FAM98B: variants seen among roughly 807,000 people sequenced by gnomAD.
FAM98B encodes the protein tRNA splicing ligase complex subunit 3B.
FAM98B carries 32 observed loss-of-function variants against 43.9 expected under a neutral mutation model. That is an observed-to-expected ratio of 0.73 (90% CI 0.55 to 0.98). FAM98B has a LOEUF of 0.98. FAM98B is among the 50% of genes least tolerant of loss of function. The pLI is 0.00. For missense variants in FAM98B, 514 were observed against 522.9 expected (o/e 0.98, Z 0.17); for synonymous variants, 190 against 174.0 (o/e 1.09, Z -0.72).
chr15:38,474,503 C>T (rs1005864251), intron 6 of FAM98B, among the ~76,000 whole-genome samples: 5 of 152,110 alleles, frequency 3.3e-5, no homozygotes, highest in Admixed American at 2.0e-4. Flanking sequence ...ACATTTTTGA[C>T]ATTTATTTTA....
intron 4 of FAM98B, among the ~76,000 whole-genome samples, chr15:38,471,978 C>T (rs543638103): frequency 6.6e-5 from 10 of 152,166 alleles, no homozygotes; most frequent in African/African-American, 2.2e-4. Context: ...AATACATCAC[C>T]CCTGTGTTGT....
chr15:38,473,642 A>C, intron 5 of FAM98B, 57 bp downstream of exon 5: 1 of 1,347,270 alleles, frequency 7.4e-7, no homozygotes, highest in South Asian at 1.3e-5. Context: ...ATATGACTTA[A>C]TTTTATAAAT....
chr15:38,470,079 C>A, intron 3 of FAM98B, 148 bp from the exon 4 acceptor site: 1 of 635,174 alleles, frequency 1.6e-6, no homozygotes, highest in Non-Finnish European at 2.5e-6. Flanking sequence ...TATAAGTGTA[C>A]AGTGTTCTAC....
At chr15:38,478,144 ATTC>A (rs971168717) in intron 6 of FAM98B, among the ~76,000 whole-genome samples, 96 of 152,222 alleles carry the variant, frequency 6.3e-4, no homozygotes, top group Non-Finnish European at 1.0e-4. Context: ...GTTTTGATAT[ATTC>A]TTTCAACATT....
At position 38,465,309 on chromosome 15, in the gene FAM98B, CTTT is replaced by C. The variant is rs1162646468; in HGVS notation, c.261_263del (p.Phe87del). ...AGAGCTTCCAGCTTGAGATAAGTGGCTTTTTAAAAGAAATGGCATGTCCATATT... is the reference window on the plus strand; with the variant it reads ...AGAGCTTCCAGCTTGAGATAAGTGGCTTAAAAGAAATGGCATGTCCATATT... On this transcript the variant is annotated inframe_deletion, in exon 3 of 8. Coordinates refer to ENST00000397609, the MANE Select transcript of FAM98B (RefSeq NM_173611.4). 2.5e-6 allele frequency: 4 copies of C among 1,610,558 alleles called. No individual in the cohort carries two copies.
intron 4 of FAM98B, among the ~76,000 whole-genome samples, chr15:38,472,370 A>G (rs377043322): frequency 6.6e-6 from 1 of 152,246 alleles, no homozygotes; most frequent in East Asian, 1.9e-4. Flanking sequence ...TCTTTAAAAT[A>G]TGTACAAATT....
chr15:38,474,158 T>G (rs757774111), intron 5 of FAM98B, 24 bp from the exon 6 acceptor site: 4 of 1,531,590 alleles, frequency 2.6e-6, no homozygotes, highest in Non-Finnish European at 3.6e-6. Flanking sequence ...TAAAGTTTAT[T>G]ATTTTTGTTT....
In FAM98B at chr15:38,484,802, G is replaced by C; in HGVS notation, c.*143G>C. The C allele has an allele frequency of 7.9e-7, 1 of 1,263,970 alleles. No homozygotes were observed. The highest frequency in any genetic ancestry group is 1.0e-6 in the Non-Finnish European group (1 of 972,554). The allele number at this position is 1,263,970 out of a possible 1,614,324, so 78.3% of individuals were successfully genotyped here. Reference sequence around the variant, plus strand: ...ATACCACTCTTGAATTGGTTAATATGTAAGAACATTGTTTTTTATTACCAG... The same window carrying C: ...ATACCACTCTTGAATTGGTTAATATCTAAGAACATTGTTTTTTATTACCAG... On this transcript the variant is annotated 3_prime_UTR_variant, in exon 8 of 8. Transcript: ENST00000397609.
chr15:38,459,406 C>G, intron 1 of FAM98B: 1 of 379,744 alleles, frequency 2.6e-6, no homozygotes, highest in South Asian at 2.1e-5. Context: ...ATGCTGGATG[C>G]GAAAATAGCA....
At chr15:38,465,830 G>A (rs1364443198) in intron 3 of FAM98B, among the ~76,000 whole-genome samples, 1 of 151,886 alleles carries the variant, frequency 6.6e-6, no homozygotes, top group African/African-American at 2.4e-5. Context: ...TATGAGGGTT[G>A]CTTGTTTTGT....
chr15:38,462,782 A>G (rs1889969693), intron 1 of FAM98B, among the ~76,000 whole-genome samples: 1 of 152,258 alleles, frequency 6.6e-6, no homozygotes, highest in Non-Finnish European at 1.5e-5. Context: ...TGAAAAAGGC[A>G]TAGAAACAGT....
At chr15:38,477,030 G>A (rs1890210983) in intron 6 of FAM98B, among the ~76,000 whole-genome samples, 1 of 151,808 alleles carries the variant, frequency 6.6e-6, no homozygotes, top group African/African-American at 2.4e-5. Flanking sequence ...CAGGTGCTGT[G>A]CTCACACCTA....
chr15:38,473,241 T>C (rs1890151597), intron 4 of FAM98B, among the ~76,000 whole-genome samples: 1 of 152,164 alleles, frequency 6.6e-6, no homozygotes, highest in Admixed American at 6.5e-5. Flanking sequence ...ATTCTCATAG[T>C]AGAACCTAGG....
At chr15:38,467,633 A>G (rs1010661413) in intron 3 of FAM98B, among the ~76,000 whole-genome samples, 20 of 152,314 alleles carry the variant, frequency 1.3e-4, no homozygotes, top group African/African-American at 4.3e-4. Flanking sequence ...GGACTTGGCA[A>G]TTCTTTTGAC....
Position 38,474,291 on chromosome 15 carries a change from G to C in FAM98B, c.722G>C (p.Arg241Thr). 1.9e-6 allele frequency: 3 copies of C among 1,610,056 alleles called. No homozygotes were observed. Among genetic ancestry groups the C allele is most frequent in the Non-Finnish European group, 2.5e-6 (3 of 1,176,994 alleles). ...VTVQSFGWSD[R>T]AKVKTDDIAR... is the part of the protein sequence containing the mutation. ...GTACAGTCCTTTGGATGGTCTGATA[G>C]AGCAAAGGTAAGGCTGTTTTCCCAT... The change falls in exon 6 of 8, where the codon AGA becomes ACA. Residue 241 changes from arginine (R) to threonine (T), a missense_variant. Around this residue, in one of 2 missense-constraint regions of FAM98B, gnomAD observed 469 missense variants for 451.8 expected, o/e 1.04. Coordinates refer to ENST00000397609, the MANE Select transcript of FAM98B (RefSeq NM_173611.4).
intron 6 of FAM98B, among the ~76,000 whole-genome samples, chr15:38,479,659 A>AT (rs1400117762): frequency 6.6e-6 from 1 of 151,898 alleles, no homozygotes; most frequent in Non-Finnish European, 1.5e-5. Context: ...TATTTTATAC[A>AT]TTTTTTTCTA....
intron 1 of FAM98B, among the ~76,000 whole-genome samples, chr15:38,461,251 A>G (rs1889941610): frequency 6.6e-6 from 1 of 152,226 alleles, no homozygotes; most frequent in Non-Finnish European, 1.5e-5. Context: ...ATGAAATCTC[A>G]TTGAGAGGCA....
At chr15:38,481,065 A>AT (rs1265435828) in intron 6 of FAM98B, among the ~76,000 whole-genome samples, 1 of 151,874 alleles carries the variant, frequency 6.6e-6, no homozygotes, top group Non-Finnish European at 1.5e-5. Flanking sequence ...TTTTGTTATT[A>AT]TTTTTTAGCG....
intron 6 of FAM98B, among the ~76,000 whole-genome samples, chr15:38,478,479 G>T (rs539357424): frequency 2.0e-5 from 3 of 151,640 alleles, no homozygotes; most frequent in Admixed American, 1.3e-4. Flanking sequence ...CCCTATTTTC[G>T]TGATAGAAAA....
Sources: gnomAD v4.1 joint callset for allele counts (sites outside exome capture counted in the v4.1 genomes callset) on GRCh38, gnomAD v4.1.1 for gene constraint, gnomAD v4.1.1 regional missense constraint, MANE v1.5 for transcripts, NCBI Gene and HGNC (gene_info 2026-07-23, HGNC 2026-07-21) for gene names.